Variants in PSMB7 observed in about 807,000 individuals in gnomAD.
The protein encoded by PSMB7 is proteasome 20S subunit beta 7.
A neutral mutation model predicts 28.1 loss-of-function variants in PSMB7; 5 were observed. The ratio of observed to expected loss-of-function variants is 0.18; its 90% CI spans 0.09 to 0.37. The LOEUF (loss-of-function observed/expected upper bound fraction) is 0.37. Among genes scored for constraint, PSMB7 ranks in the 10% least tolerant of loss-of-function variants. PSMB7 has a pLI of 1.00. For synonymous variants in PSMB7, 122 were observed against 123.7 expected, an observed-to-expected ratio of 0.99 and a Z score of 0.09; for missense variants, 275 against 346.2, an observed-to-expected ratio of 0.79 and a Z score of 1.63.
rs1171631928 is a variant in PSMB7, at chr9:124,384,461, A to C, written c.570+137T>G. On this transcript the variant is annotated intron_variant, in intron 6 of 7. Coordinates refer to ENST00000259457, the MANE Select transcript of PSMB7 (RefSeq NM_002799.4). ...GGAAGCTGGTCTCTTCGGCAAACAG[A>C]CCATCTGTGCCAAAGAACATTCCAA... 9.9e-6 allele frequency: 8 copies of C among 804,470 alleles called. No homozygotes were observed. The East Asian group carries it at 2.2e-4, about 23-fold the overall frequency. The allele number at this position is 804,470 out of a possible 1,614,324, so 49.8% of individuals were successfully genotyped here. A position where few individuals can be genotyped will look rare whatever the true frequency, so the allele number is the denominator to read the frequency against.
At chr9:124,382,223 TTTG>T (rs1193228847) in intron 6 of PSMB7, among the ~76,000 whole-genome samples, 7 of 120,166 alleles carry the variant, frequency 5.8e-5, no homozygotes, top group African/African-American at 5.9e-5. Flanking sequence ...TTTTTTTTTT[TTTG>T]AGACAAAGTC....
At position 124,408,232 on chromosome 9, in the gene PSMB7, T is replaced by TACTGACG. The variant is rs556575626; in HGVS notation, c.396-2807_396-2801dup. ...AACCATGCTGCATTTTCTCCTGCGC[T>TACTGACG]ACTGACGGTAGTACAACGTTTGTCA... On this transcript the variant is annotated intron_variant, in intron 4 of 7. Transcript: ENST00000259457. 3.8e-3 allele frequency among the ~76,000 whole-genome samples: 580 copies of TACTGACG among 152,296 alleles called. 1 individual carries two copies. Among genetic ancestry groups the TACTGACG allele is most frequent in the Non-Finnish European group, 6.9e-3 (467 of 68,020 alleles).
At chr9:124,402,232 G>A (rs1302179647) in intron 5 of PSMB7, among the ~76,000 whole-genome samples, 1 of 152,170 alleles carries the variant, frequency 6.6e-6, no homozygotes, top group Non-Finnish European at 1.5e-5. Flanking sequence ...GAACTCAAAT[G>A]AGACTTGGAC....
At chr9:124,384,042 C>A (rs1178502084) in intron 6 of PSMB7, 1 of 152,116 alleles carries the variant, frequency 6.6e-6, no homozygotes, top group Non-Finnish European at 1.5e-5. Flanking sequence ...CTTCCCCCAC[C>A]ACCAAAGAAA....
chr9:124,408,957 G>A (rs1370043323), intron 4 of PSMB7, among the ~76,000 whole-genome samples: 1 of 152,158 alleles, frequency 6.6e-6, no homozygotes, highest in East Asian at 1.9e-4. Context: ...ACTGTTAGGT[G>A]AGAAGACTAG....
At chr9:124,355,814 G>A (rs1285650269) in intron 7 of PSMB7, among the ~76,000 whole-genome samples, 1 of 152,182 alleles carries the variant, frequency 6.6e-6, no homozygotes, top group East Asian at 1.9e-4. Flanking sequence ...ACCCCATCAG[G>A]AGCCCACTGA....
At chr9:124,363,525 G>A (rs1830481466) in intron 6 of PSMB7, among the ~76,000 whole-genome samples, 1 of 152,196 alleles carries the variant, frequency 6.6e-6, no homozygotes, top group Admixed American at 6.5e-5. Context: ...AAGAGCAAAG[G>A]TGTCTAGAGT....
chr9:124,412,288 G>A, intron 4 of PSMB7, 64 bp downstream of exon 4: 1 of 1,502,964 alleles, frequency 6.7e-7, no homozygotes, highest in Non-Finnish European at 9.1e-7. Flanking sequence ...GGCTTCTCTT[G>A]GCTGAAAAAA....
intron 4 of PSMB7, among the ~76,000 whole-genome samples, chr9:124,410,675 G>T (rs1831019602): frequency 6.6e-6 from 1 of 152,210 alleles, no homozygotes; most frequent in South Asian, 2.1e-4. Flanking sequence ...CAATTGGATA[G>T]ACAAGGCTTC....
Position 124,356,612 on chromosome 9 carries a change from C to CA in PSMB7, c.722+151dup. The CA allele has an allele frequency of 1.2e-6, 1 of 853,224 alleles. No homozygotes were observed. The highest frequency in any genetic ancestry group is 1.8e-6 in the Non-Finnish European group (1 of 568,810). 52.9% of individuals were successfully genotyped at this position (853,224 alleles called of 1,614,324 possible). On this transcript the variant is annotated intron_variant, in intron 7 of 7. Coordinates refer to ENST00000259457, the MANE Select transcript of PSMB7 (RefSeq NM_002799.4). The surrounding 1 kb of genome is among the most constrained non-coding windows in gnomAD (Gnocchi z 4.4). ...CAGCCCACTGTCATAAAGCAAGTAA[C>CA]AAGCCGAAGGTCTGTGTGGGAGGTT...
chr9:124,370,942 T>C (rs1015961824), intron 6 of PSMB7, among the ~76,000 whole-genome samples: 5 of 152,242 alleles, frequency 3.3e-5, no homozygotes, highest in Non-Finnish European at 5.9e-5. Flanking sequence ...TTCTTCATCA[T>C]GCTTCCGTGT....
chr9:124,365,831 C>T (rs1174794489), intron 6 of PSMB7, among the ~76,000 whole-genome samples: 1 of 152,204 alleles, frequency 6.6e-6, no homozygotes, highest in Non-Finnish European at 1.5e-5. Context: ...AGGAGGATTA[C>T]TTGAGCCTGG....
chr9:124,357,016 G>C (rs1588565502), intron 6 of PSMB7, 101 bp from the exon 7 acceptor site: 1 of 1,290,958 alleles, frequency 7.7e-7, no homozygotes, highest in East Asian at 2.4e-5. Context: ...CCTCCCGCGA[G>C]ACAGGTGTTG....
At chr9:124,358,707 G>T (rs1039536828) in intron 6 of PSMB7, among the ~76,000 whole-genome samples, 1 of 152,178 alleles carries the variant, frequency 6.6e-6, no homozygotes, top group African/African-American at 2.4e-5. Context: ...GGCACGTGCG[G>T]GGAGAACCAT....
chr9:124,371,022 G>A (rs554034180), intron 6 of PSMB7, among the ~76,000 whole-genome samples: 2 of 152,030 alleles, frequency 1.3e-5, no homozygotes, highest in East Asian at 1.9e-4. Flanking sequence ...TTCTGATATC[G>A]CACACCACAC....
intron 6 of PSMB7, among the ~76,000 whole-genome samples, chr9:124,379,414 C>T (rs1005205194): frequency 4.6e-5 from 7 of 151,902 alleles, no homozygotes; most frequent in Non-Finnish European, 7.4e-5. Flanking sequence ...AGTCCCTGCC[C>T]GAGAAGAATT....
chr9:124,380,055 A>G (rs1830650172), intron 6 of PSMB7, among the ~76,000 whole-genome samples: 1 of 152,200 alleles, frequency 6.6e-6, no homozygotes, highest in Non-Finnish European at 1.5e-5. Context: ...ACAGGTGTGT[A>G]CAGTGCAGCA....
chr9:124,368,798 G>A (rs1333153666), intron 6 of PSMB7, among the ~76,000 whole-genome samples: 2 of 152,156 alleles, frequency 1.3e-5, no homozygotes, highest in Non-Finnish European at 2.9e-5. Flanking sequence ...CACTGTCCTC[G>A]TAATGATCCC....
Position 124,361,987 on chromosome 9 carries a change from TCAG to T in PSMB7, c.571-5075_571-5073del, listed in dbSNP as rs373932249. ...CCAGCCAATGGGCACTCTGGACAGTTCAGCATCAAATTAATACTCTTTAAATAC... is the reference window on the plus strand; with the variant it reads ...CCAGCCAATGGGCACTCTGGACAGTTCATCAAATTAATACTCTTTAAATAC... On this transcript the variant is annotated intron_variant, in intron 6 of 7. Transcript: ENST00000259457. 1.4e-4 allele frequency among the ~76,000 whole-genome samples: 22 copies of T among 152,368 alleles called. 1 individual carries two copies. In the East Asian group the frequency reaches 3.5e-3, roughly 24 times the overall value.
Sources: gnomAD v4.1 joint callset for allele counts (sites outside exome capture counted in the v4.1 genomes callset) on GRCh38, gnomAD v4.1.1 for gene constraint, Gnocchi (gnomAD v3.1) non-coding constraint, MANE v1.5 for transcripts, NCBI Gene and HGNC (gene_info 2026-07-23, HGNC 2026-07-21) for gene names.